Variants in PICALM observed in about 807,000 individuals in gnomAD.
The protein encoded by PICALM is phosphatidylinositol-binding clathrin assembly protein.
In PICALM, 40 loss-of-function variants were observed where a neutral mutation model predicts 80.5. The ratio of observed to expected loss-of-function variants is 0.50; its 90% CI spans 0.39 to 0.65. The LOEUF is 0.65. Among genes scored for constraint, PICALM ranks in the 30% least tolerant of loss-of-function variants. PICALM has a pLI of 0.00. For synonymous variants in PICALM, 288 were observed against 260.3 expected (o/e 1.11, Z -1.02); for missense variants, 676 against 778.9 (o/e 0.87, Z 1.57).
Position 86,068,765 on chromosome 11 carries a change from G to T in PICALM, c.16C>A (p.Leu6Met). The T allele has an allele frequency of 6.2e-7, 1 of 1,609,614 alleles. No homozygotes were observed. Reference sequence around the variant, plus strand: ...TGGGCGGCAGTGATTCGGTCCGTCAGGCTCTGGCCGGACATCTCTGCAGCT... The same window carrying T: ...TGGGCGGCAGTGATTCGGTCCGTCATGCTCTGGCCGGACATCTCTGCAGCT... MSGQS[L>M]TDRITAAQHS... is the part of the protein sequence containing the mutation. Residue 6 changes from leucine to methionine, a missense_variant, in exon 1 of 20, where the codon CTG (leucine) becomes ATG (methionine). Around this residue, in one of 2 missense-constraint regions of PICALM, gnomAD observed 285 missense variants for 395.4 expected, o/e 0.72. Transcript: ENST00000393346.
At chr11:85,980,857 A>C (rs1017279975) in intron 17 of PICALM, among the ~76,000 whole-genome samples, 2 of 152,206 alleles carry the variant, frequency 1.3e-5, no homozygotes, top group African/African-American at 4.8e-5. Flanking sequence ...AATAATAGTG[A>C]CTAACACATT....
intron 11 of PICALM, among the ~76,000 whole-genome samples, chr11:85,999,549 C>G (rs1444233326): frequency 1.3e-5 from 2 of 152,040 alleles, no homozygotes; most frequent in Non-Finnish European, 2.9e-5. Context: ...AGGTAGCATA[C>G]ATGAGCAAAC....
intron 11 of PICALM, 84 bp from the exon 12 acceptor site, chr11:85,997,013 A>G: frequency 1.5e-6 from 1 of 679,702 alleles, no homozygotes; most frequent in Non-Finnish European, 2.5e-6. Context: ...ACCACAGATA[A>G]AAACATTAAA....
chr11:86,039,358 A>T (rs763515730), intron 1 of PICALM, among the ~76,000 whole-genome samples: 1 of 152,062 alleles, frequency 6.6e-6, no homozygotes. Flanking sequence ...GCCTGTGAAC[A>T]ACCACTGCCC....
Position 86,014,923 on chromosome 11 carries a change from G to T in PICALM, c.493C>A (p.Leu165Ile). The change falls in exon 5 of 20, where the codon CTA (leucine) becomes ATA (isoleucine). Residue 165 changes from leucine (L) to isoleucine (I), a missense_variant. Transcript: ENST00000393346. ...VMRTMNTEKL[L>I]KTVPIIQNQM... Reference sequence around the variant, plus strand: ...TTCTGAATAATTGGTACAGTTTTTAGGAGTTTTTCTGTGTTCATTGTTCTC... The same window carrying T: ...TTCTGAATAATTGGTACAGTTTTTATGAGTTTTTCTGTGTTCATTGTTCTC... 1 of 1,595,496 alleles carries T rather than the reference G, an allele frequency of 6.3e-7. No individual in the cohort carries two copies.
intron 1 of PICALM, among the ~76,000 whole-genome samples, chr11:86,063,203 GT>G (rs2096395448): frequency 1.3e-5 from 2 of 152,130 alleles, no homozygotes; most frequent in African/African-American, 4.8e-5. Flanking sequence ...AACAATCAGT[GT>G]TTTTTAAACA....
At chr11:86,025,427 G>A (rs923307338) in intron 3 of PICALM, among the ~76,000 whole-genome samples, 6 of 151,742 alleles carry the variant, frequency 4.0e-5, no homozygotes, top group East Asian at 1.9e-4. Flanking sequence ...AAATAGCTAC[G>A]AATATGAAGG....
intron 17 of PICALM, 31 bp downstream of exon 17, chr11:85,981,098 T>A (rs1455131746): frequency 1.0e-6 from 1 of 984,552 alleles, no homozygotes; most frequent in East Asian, 2.4e-5. Context: ...ATTATTCAAC[T>A]GTTAGTCTAT....
At chr11:86,040,876 C>T (rs1247118689) in intron 1 of PICALM, among the ~76,000 whole-genome samples, 1 of 152,078 alleles carries the variant, frequency 6.6e-6, no homozygotes, top group African/African-American at 2.4e-5. Context: ...ATATACAAAG[C>T]TGAGAAGATG....
chr11:85,990,667 A>G (rs2094740695), intron 12 of PICALM, among the ~76,000 whole-genome samples: 1 of 152,184 alleles, frequency 6.6e-6, no homozygotes. Flanking sequence ...TGGAATAATA[A>G]CCAAGATGTT....
Position 85,958,788 on chromosome 11 carries a change from T to G in PICALM, c.*258A>C. 2.6e-6 allele frequency: 1 copy of G among 386,170 alleles called. No individual in the cohort carries two copies. Among genetic ancestry groups the G allele is most frequent in the East Asian group, 3.6e-5 (1 of 27,722 alleles). The allele number at this position is 386,170 out of a possible 1,614,324, so 23.9% of individuals were successfully genotyped here. On this transcript the variant is annotated 3_prime_UTR_variant, in exon 20 of 20. Transcript: ENST00000393346. Reference sequence around the variant, plus strand: ...TGGGTATTAACAGGAGTTGAAAGAATTGAAGGGTTAGTCACCAAAAAGACA... The same window carrying G: ...TGGGTATTAACAGGAGTTGAAAGAAGTGAAGGGTTAGTCACCAAAAAGACA...
At chr11:85,975,508 A>C (rs1373761017) in intron 18 of PICALM, among the ~76,000 whole-genome samples, 1 of 151,932 alleles carries the variant, frequency 6.6e-6, no homozygotes, top group Non-Finnish European at 1.5e-5. Flanking sequence ...TTTCCTTTCA[A>C]GAAGTTCTAT....
At chr11:85,997,387 G>C (rs1019643974) in intron 11 of PICALM, among the ~76,000 whole-genome samples, 1 of 152,194 alleles carries the variant, frequency 6.6e-6, no homozygotes, top group Non-Finnish European at 1.5e-5. Flanking sequence ...TCCAAACTAT[G>C]TATCAATGAT....
At chr11:86,015,751 T>C (rs1315556122) in intron 4 of PICALM, among the ~76,000 whole-genome samples, 2 of 152,244 alleles carry the variant, frequency 1.3e-5, no homozygotes, top group African/African-American at 4.8e-5. Context: ...TTTCAAATCC[T>C]CATTCTACTG....
intron 9 of PICALM, 48 bp from the exon 10 acceptor site, chr11:86,001,206 C>T: frequency 4.4e-6 from 7 of 1,587,954 alleles, no homozygotes; most frequent in Non-Finnish European, 6.0e-6. Context: ...AAACACTTCA[C>T]ATTACACCCA....
intron 19 of PICALM, among the ~76,000 whole-genome samples, chr11:85,963,128 T>A (rs1303843756): frequency 1.3e-5 from 2 of 152,080 alleles, no homozygotes; most frequent in African/African-American, 4.8e-5. Flanking sequence ...TGATGTAGGG[T>A]TGCTAAAGAA....
chr11:86,058,878 T>G (rs1339773697), intron 1 of PICALM, among the ~76,000 whole-genome samples: 1 of 152,212 alleles, frequency 6.6e-6, no homozygotes, highest in African/African-American at 2.4e-5. Context: ...TTTCTGGTCC[T>G]CTGTTTAATT....
At chr11:86,051,301 G>C (rs1422909587) in intron 1 of PICALM, among the ~76,000 whole-genome samples, 3 of 152,172 alleles carry the variant, frequency 2.0e-5, no homozygotes, top group African/African-American at 7.2e-5. Flanking sequence ...ATTTTTGTGA[G>C]GTCATATGGA....
chr11:85,970,237 G>A (rs1340490962), intron 19 of PICALM, among the ~76,000 whole-genome samples: 5 of 152,062 alleles, frequency 3.3e-5, no homozygotes, highest in Non-Finnish European at 4.4e-5. Flanking sequence ...AAATAATGCA[G>A]AATAAGGAAA....
Sources: gnomAD v4.1 joint callset for allele counts (sites outside exome capture counted in the v4.1 genomes callset) on GRCh38, gnomAD v4.1.1 for gene constraint, gnomAD v4.1.1 regional missense constraint, MANE v1.5 for transcripts, NCBI Gene and HGNC (gene_info 2026-07-23, HGNC 2026-07-21) for gene names.